CSMD3: variants seen among roughly 807,000 people sequenced by gnomAD.
The protein encoded by CSMD3 is CUB and Sushi multiple domains 3, also known as CUB and sushi domain-containing protein 3.
In CSMD3, 177 loss-of-function variants were observed where a neutral mutation model predicts 435.2. The observed-to-expected ratio is 0.41, with a 90% CI of 0.36 to 0.46. CSMD3 has a LOEUF of 0.46. Ranked by LOEUF, CSMD3 falls within the 20% of genes least tolerant of loss-of-function variation. The pLI is 0.34. For synonymous variants in CSMD3, 1,656 were observed against 1,520.5 expected, an observed-to-expected ratio of 1.09 and a Z score of -2.07; for missense variants, 4,265 against 4,504.6, an observed-to-expected ratio of 0.95 and a Z score of 1.52.
At chr8:113,357,740 C>T (rs1405130093) in intron 1 of CSMD3, among the ~76,000 whole-genome samples, 1 of 152,144 alleles carries the variant, frequency 6.6e-6, no homozygotes, top group Non-Finnish European at 1.5e-5. Context: ...GGCAGATTTC[C>T]CTCTTGCTGT....
At chr8:113,079,700 C>A (rs2089480068) in intron 5 of CSMD3, among the ~76,000 whole-genome samples, 1 of 152,064 alleles carries the variant, frequency 6.6e-6, no homozygotes, top group Non-Finnish European at 1.5e-5. Context: ...AAATCTTTGA[C>A]TGTTGAAGTT....
chr8:112,699,423 A>G (rs181389119), intron 13 of CSMD3, among the ~76,000 whole-genome samples: 32 of 152,296 alleles, frequency 2.1e-4, no homozygotes, highest in African/African-American at 7.7e-4. Context: ...GAAGGAACCA[A>G]TTCCGAACAC....
chr8:113,200,462 A>T (rs1203799738), intron 3 of CSMD3, among the ~76,000 whole-genome samples: 1 of 151,476 alleles, frequency 6.6e-6, no homozygotes, highest in Non-Finnish European at 1.5e-5. Flanking sequence ...GTTTCAACTG[A>T]CTCTCATTTT....
chr8:112,413,120 A>T (rs1811528943), intron 32 of CSMD3, among the ~76,000 whole-genome samples: 1 of 152,178 alleles, frequency 6.6e-6, no homozygotes, highest in South Asian at 2.1e-4. Flanking sequence ...TGGAGAAATC[A>T]CTTAGAGGAA....
chr8:113,088,791 T>C (rs62521256), intron 5 of CSMD3, among the ~76,000 whole-genome samples: 100,747 of 150,154 alleles, frequency 0.67, 35,401 homozygotes, highest in East Asian at 0.95. Context: ...AGCACACCAG[T>C]ATGGCACATG....
chr8:112,270,325 C>T (rs1005423737), intron 59 of CSMD3, among the ~76,000 whole-genome samples: 5 of 120,296 alleles, frequency 4.2e-5, no homozygotes, highest in Admixed American at 3.7e-4. Flanking sequence ...ACTAGAATTT[C>T]TAAAAAACAG....
chr8:112,638,125 T>G (rs901333768), intron 21 of CSMD3, among the ~76,000 whole-genome samples: 1 of 150,396 alleles, frequency 6.6e-6, no homozygotes, highest in Non-Finnish European at 1.5e-5. Flanking sequence ...AAGAAAGGAG[T>G]AACTATGTTA....
intron 1 of CSMD3, among the ~76,000 whole-genome samples, chr8:113,385,724 G>A (rs994265158): frequency 1.3e-5 from 2 of 151,986 alleles, no homozygotes; most frequent in African/African-American, 2.4e-5. Flanking sequence ...AAGGGAATTC[G>A]TAAGAAAAGA....
chr8:112,338,367 C>A (rs888104173), intron 42 of CSMD3, among the ~76,000 whole-genome samples: 2 of 152,124 alleles, frequency 1.3e-5, no homozygotes, highest in African/African-American at 4.8e-5. Flanking sequence ...GATCAAAGTT[C>A]CTGTTTGTAT....
At chr8:112,507,561 C>T (rs1410971345) in intron 28 of CSMD3, among the ~76,000 whole-genome samples, 2 of 152,176 alleles carry the variant, frequency 1.3e-5, no homozygotes, top group Admixed American at 6.5e-5. Context: ...CTCACATTCT[C>T]ACAATGTCTC....
chr8:113,303,907 A>C (rs200603329), intron 2 of CSMD3, among the ~76,000 whole-genome samples: 13,037 of 107,176 alleles, frequency 0.12, 1,485 homozygotes, highest in East Asian at 0.43. Context: ...ACAAAATTGA[A>C]AAATGGGATC....
At chr8:113,345,880 G>C (rs1470408642) in intron 1 of CSMD3, among the ~76,000 whole-genome samples, 1 of 151,882 alleles carries the variant, frequency 6.6e-6, no homozygotes, top group Non-Finnish European at 1.5e-5. Context: ...CCCGGCTCCA[G>C]AACTTAGCTG....
intron 1 of CSMD3, among the ~76,000 whole-genome samples, chr8:113,361,842 T>C (rs1012742375): frequency 6.2e-4 from 95 of 152,264 alleles, no homozygotes; most frequent in African/African-American, 2.2e-3. Flanking sequence ...TCATTAGCAA[T>C]AGGAAATATA....
intron 52 of CSMD3, among the ~76,000 whole-genome samples, chr8:112,303,510 G>A (rs1347035916): frequency 2.6e-5 from 4 of 151,944 alleles, no homozygotes; most frequent in African/African-American, 4.8e-5. Context: ...AGCTGAGATC[G>A]CGCCACTGCA....
At chr8:112,535,612 A>C in intron 27 of CSMD3, among the ~76,000 whole-genome samples, 1 of 152,028 alleles carries the variant, frequency 6.6e-6, no homozygotes, top group Non-Finnish European at 1.5e-5. Flanking sequence ...TAATTTATAG[A>C]TTCAATGCCA....
At chr8:113,354,567 A>T (rs544765371) in intron 1 of CSMD3, among the ~76,000 whole-genome samples, 5 of 152,322 alleles carry the variant, frequency 3.3e-5, no homozygotes, top group African/African-American at 1.2e-4. Flanking sequence ...TCAATTGGGG[A>T]GCTATTCAGC....
chr8:113,072,266 C>G (rs1241843235), intron 5 of CSMD3, among the ~76,000 whole-genome samples: 1 of 151,640 alleles, frequency 6.6e-6, no homozygotes, highest in African/African-American at 2.4e-5. Context: ...TTTACTTCTT[C>G]TTATTTAGAT....
intron 23 of CSMD3, among the ~76,000 whole-genome samples, chr8:112,585,157 G>A (rs1318263420): frequency 6.6e-6 from 1 of 151,526 alleles, no homozygotes; most frequent in Non-Finnish European, 1.5e-5. Context: ...TCTCTATAGA[G>A]TGGCTTGCTG....
rs139574995 is a variant in CSMD3 at position 112,279,650 on chromosome 8, C to T, written c.9508+1524G>A. 1.1e-3 allele frequency among the ~76,000 whole-genome samples: 172 copies of T among 152,152 alleles called. 1 individual carries two copies. The highest frequency in any genetic ancestry group is 4.0e-3 in the African/African-American group (168 of 41,518). On this transcript the variant is annotated intron_variant, in intron 59 of 70. Coordinates refer to ENST00000297405, the MANE Select transcript of CSMD3 (RefSeq NM_198123.2). The stretch of plus-strand genomic sequence containing the variant: ...ACAACTATTGTTCCTACTGCCTTCC[C>T]TTTAAATAGTCCAATTTGTTCAGTG...
Sources: gnomAD v4.1 joint callset for allele counts (sites outside exome capture counted in the v4.1 genomes callset) on GRCh38, gnomAD v4.1.1 for gene constraint, MANE v1.5 for transcripts, NCBI Gene and HGNC (gene_info 2026-07-23, HGNC 2026-07-21) for gene names.